The following ZSCAN30 variants were observed in gnomAD, a reference collection of about 807,000 sequenced individuals.
ZSCAN30 encodes zinc finger and SCAN domain containing 30.
In ZSCAN30, 37 loss-of-function variants were observed where a neutral mutation model predicts 44.3. The observed-to-expected ratio is 0.84, with a 90% CI of 0.64 to 1.10. The LOEUF (loss-of-function observed/expected upper bound fraction) is 1.10. Among genes scored for constraint, ZSCAN30 ranks in the 50% least tolerant of loss-of-function variants. ZSCAN30 has a pLI of 0.00. For synonymous variants in ZSCAN30, 181 were observed against 204.6 expected (o/e 0.88, Z 0.98); for missense variants, 549 against 582.6 (o/e 0.94, Z 0.59).
Position 35,254,195 on chromosome 18 carries a change from A to G in ZSCAN30, c.740T>C (p.Ile247Thr). ...TCTGTCCTGGGAAGGAAGCTGACTG[A>G]TTTTGTTCCCTGCAGCATTTCCCTT... ...KQKGNAAGNK[I>T]SQLPSQDRHF... The change falls in exon 4 of 4, where the codon ATC becomes ACC. Residue 247 changes from isoleucine (I) to threonine (T), a missense_variant. Coordinates refer to ENST00000333206, the MANE Select transcript of ZSCAN30 (RefSeq NM_001112734.4). 1 of 1,614,100 alleles carries G rather than the reference A, an allele frequency of 6.2e-7. No homozygotes were observed. Among genetic ancestry groups the G allele is most frequent in the Non-Finnish European group, 8.5e-7 (1 of 1,180,010 alleles).
chr18:35,257,279 C>T (rs2043862523), intron 3 of ZSCAN30: 1 of 152,554 alleles, frequency 6.6e-6, no homozygotes, highest in African/African-American at 2.4e-5. Flanking sequence ...CCACTGCCCA[C>T]CCAGTTCCCC....
chr18:35,269,507 C>T (rs1036473855), intron 1 of ZSCAN30: 17 of 148,840 alleles, frequency 1.1e-4, no homozygotes, highest in African/African-American at 4.2e-4. Context: ...AGAATAATAT[C>T]TGCAGGGCAG....
At chr18:35,266,078 G>A (rs2044143252) in intron 1 of ZSCAN30, among the ~76,000 whole-genome samples, 1 of 152,176 alleles carries the variant, frequency 6.6e-6, no homozygotes, top group Non-Finnish European at 1.5e-5. Context: ...TTCTGACTAC[G>A]GCTCAAAATC....
chr18:35,263,531 G>C lies in ZSCAN30; in HGVS notation c.535C>G (p.Gln179Glu). The C allele has an allele frequency of 6.2e-7, 1 of 1,614,178 alleles. No homozygotes were observed. Among genetic ancestry groups the C allele is most frequent in the East Asian group, 2.2e-5 (1 of 44,878 alleles). ...TTCTCACCTCTCTCCTGGAAAGCCT[G>C]GGACTCCTGAGTCTCAGTCTTGCAC... ...NQCKTETQES[Q>E]AFQERDGRMV... The change falls in exon 3 of 4, where the codon CAG (glutamine) becomes GAG (glutamate). Residue 179 changes from glutamine (Q) to glutamate (E), a missense_variant. Gln to Glu is a conservative substitution (Grantham distance 29, BLOSUM62 2). Transcript: ENST00000333206.
At chr18:35,270,221 G>A (rs1460425611) in intron 1 of ZSCAN30, 3 of 150,920 alleles carry the variant, frequency 2.0e-5, no homozygotes, top group Non-Finnish European at 4.4e-5. Flanking sequence ...TTAATAAAAA[G>A]AAATGAATGC....
At chr18:35,275,500 C>A (rs2044353428) in intron 1 of ZSCAN30, among the ~76,000 whole-genome samples, 1 of 152,214 alleles carries the variant, frequency 6.6e-6, no homozygotes, top group Non-Finnish European at 1.5e-5. Context: ...CAGTTTCCCA[C>A]TAACTTACCT....
intron 1 of ZSCAN30, chr18:35,267,927 C>G (rs1347258653): frequency 1.3e-5 from 2 of 152,140 alleles, no homozygotes; most frequent in Non-Finnish European, 2.9e-5. Flanking sequence ...TGCGGAAGGG[C>G]TGGGGCGGGG....
At chr18:35,272,002 C>T (rs1189956450) in intron 1 of ZSCAN30, among the ~76,000 whole-genome samples, 3 of 152,326 alleles carry the variant, frequency 2.0e-5, no homozygotes, top group Non-Finnish European at 4.4e-5. Flanking sequence ...CCCGCCCACG[C>T]CTCTCTCTCC....
Position 35,264,438 on chromosome 18 carries a change from C to G in ZSCAN30, c.-86G>C. The G allele has an allele frequency of 7.1e-7, 1 of 1,411,974 alleles. No homozygotes were observed. The highest frequency in any genetic ancestry group is 9.6e-7 in the Non-Finnish European group (1 of 1,040,718). 87.5% of individuals were successfully genotyped at this position (1,411,974 alleles called of 1,614,324 possible). A position where few individuals can be genotyped will look rare whatever the true frequency, so the allele number is the denominator to read the frequency against. ...CGTCTGAGAGATTCCTTCTGAATTC[C>G]AACTCCCCAGGACGCTCCTGAGGGT... On this transcript the variant is annotated 5_prime_UTR_variant, in exon 2 of 4. Transcript: ENST00000333206.
chr18:35,272,598 G>A (rs2044303576), intron 1 of ZSCAN30, among the ~76,000 whole-genome samples: 1 of 152,094 alleles, frequency 6.6e-6, no homozygotes, highest in Admixed American at 6.5e-5. Flanking sequence ...GCCTGCCTCA[G>A]CATCCCAAAG....
At position 35,254,028 on chromosome 18, in the gene ZSCAN30, A is replaced by G; in HGVS notation, c.907T>C (p.Cys303Arg). 3 of 1,614,206 alleles carry G rather than the reference A, an allele frequency of 1.9e-6. No homozygotes were observed. In the South Asian group the frequency reaches 3.3e-5, roughly 18 times the overall value. Residue 303 changes from cysteine (C) to arginine (R), a missense_variant, in exon 4 of 4, where the codon TGC becomes CGC. Physicochemically the swap from Cys to Arg is radical, Grantham distance 180 (BLOSUM62 -3). Coordinates refer to ENST00000333206, the MANE Select transcript of ZSCAN30 (RefSeq NM_001112734.4). ...SVDTREKLYE[C>R]FDCGKAFCQS... ...CAAAAGGCCTTCCCACAGTCAAAGC[A>G]CTCATAGAGCTTTTCCCTAGTGTCA... is the stretch of plus-strand genomic sequence containing the variant.
chr18:35,255,410 AT>A (rs1320273296), intron 3 of ZSCAN30, among the ~76,000 whole-genome samples: 2 of 151,948 alleles, frequency 1.3e-5, no homozygotes, highest in African/African-American at 4.8e-5. Context: ...ATGTATATGC[AT>A]TTTACATATC....
chr18:35,266,625 T>G (rs2044155536), intron 1 of ZSCAN30: 1 of 149,132 alleles, frequency 6.7e-6, no homozygotes, highest in Non-Finnish European at 1.5e-5. Flanking sequence ...CATACATATC[T>G]AAACACAAGA....
intron 1 of ZSCAN30, among the ~76,000 whole-genome samples, chr18:35,273,179 A>G (rs936818273): frequency 1.2e-4 from 18 of 152,164 alleles, no homozygotes; most frequent in African/African-American, 4.3e-4. Context: ...CTCCATACCA[A>G]TTAAACAGTG....
rs2143643163 is a variant in ZSCAN30, at chr18:35,253,410, C to A, written c.*40G>T. ...TGTGGAGTCTCACCCCTACAGTGAA[C>A]TCCTTGCATTTCACAATTGTACAAC... On this transcript the variant is annotated 3_prime_UTR_variant, in exon 4 of 4. Coordinates refer to ENST00000333206, the MANE Select transcript of ZSCAN30 (RefSeq NM_001112734.4). The A allele has an allele frequency of 6.6e-7, 1 of 1,504,084 alleles. No individual in the cohort carries two copies. Among genetic ancestry groups the A allele is most frequent in the Non-Finnish European group, 8.9e-7 (1 of 1,120,152 alleles). 93.2% of individuals were successfully genotyped at this position (1,504,084 alleles called of 1,614,324 possible).
chr18:35,287,512 C>A (rs760887071), intron 1 of ZSCAN30, among the ~76,000 whole-genome samples: 145 of 112,092 alleles, frequency 1.3e-3, no homozygotes, highest in Non-Finnish European at 2.2e-3. Context: ...ACTGATTTTA[C>A]AAAGCTTAAA....
intron 1 of ZSCAN30, 62 bp from the exon 2 acceptor site, chr18:35,264,517 G>T (rs1487078235): frequency 9.4e-6 from 7 of 746,308 alleles, no homozygotes; most frequent in Non-Finnish European, 1.5e-5. Flanking sequence ...ATAAATACAG[G>T]TTTTTGAAGC....
At chr18:35,265,837 G>A (rs1035799500) in intron 1 of ZSCAN30, among the ~76,000 whole-genome samples, 2 of 152,130 alleles carry the variant, frequency 1.3e-5, no homozygotes, top group Non-Finnish European at 2.9e-5. Context: ...AGGACGGAGC[G>A]AAGTAGACAA....
intron 3 of ZSCAN30, chr18:35,260,199 G>A (rs979091252): frequency 7.2e-5 from 11 of 152,144 alleles, no homozygotes; most frequent in African/African-American, 2.2e-4. Context: ...ACTCATTCCT[G>A]CTTATGGCTG....
Sources: allele counts gnomAD v4.1 joint callset (sites outside exome capture counted in the v4.1 genomes callset), GRCh38; gene constraint gnomAD v4.1.1; transcripts MANE v1.5; gene names NCBI Gene and HGNC (gene_info 2026-07-23, HGNC 2026-07-21).